Variants in RGS6 observed in about 807,000 individuals in gnomAD.
RGS6 encodes regulator of G-protein signaling 6.
Under a neutral mutation model 78.5 loss-of-function variants are expected in RGS6, and 30 were observed. That is an observed-to-expected ratio of 0.38 (90% confidence interval 0.29 to 0.52). The LOEUF is 0.52. Among genes scored for constraint, RGS6 ranks in the 20% least tolerant of loss-of-function variants. RGS6 has a pLI of 0.85. For missense variants in RGS6, 495 were observed against 609.7 expected (o/e 0.81, Z 1.98); for synonymous variants, 206 against 206.0 (o/e 1.00, Z 0.00).
chr14:71,923,961 C>A, the RGS6 span, among the ~76,000 whole-genome samples: 3 of 152,166 alleles, frequency 2.0e-5, no homozygotes, highest in Non-Finnish European at 4.4e-5. Flanking sequence ...GTTCTGTTGT[C>A]TTGAGATACA....
chr14:72,161,641 A>C (rs541963981), intron 2 of RGS6, among the ~76,000 whole-genome samples: 6 of 152,302 alleles, frequency 3.9e-5, no homozygotes, highest in Admixed American at 3.9e-4. Flanking sequence ...TATTACTGAA[A>C]TATTCTGTTT....
At chr14:72,600,995 G>A in the RGS6 span, among the ~76,000 whole-genome samples, 1 of 148,312 alleles carries the variant, frequency 6.7e-6, no homozygotes, top group Admixed American at 6.7e-5. Context: ...AGGAAGAGGA[G>A]GAGGAGGGGG....
intron 2 of RGS6, among the ~76,000 whole-genome samples, chr14:72,299,556 A>T (rs1242035099): frequency 6.6e-6 from 1 of 152,222 alleles, no homozygotes; most frequent in Non-Finnish European, 1.5e-5. Context: ...GAACTGATGG[A>T]CTGTTTTCCA....
rs147778900 is a variant in RGS6, at chr14:72,518,409, G to A, written c.1150G>A (p.Val384Ile). ...KQPLQDVAKR[V>I]EEIWQEFLAP... is the part of the protein sequence containing the mutation. ...ACCCCTACAGGATGTGGCCAAGAGGGTAGAAGAAATCTGGCAAGAGTTTCT... is the reference window on the plus strand; with the variant it reads ...ACCCCTACAGGATGTGGCCAAGAGGATAGAAGAAATCTGGCAAGAGTTTCT... The change falls in exon 15 of 18, where the codon GTA (valine) becomes ATA (isoleucine). Residue 384 changes from valine (V) to isoleucine (I), a missense_variant. Transcript: ENST00000553525. 4 of 1,614,218 alleles carry A rather than the reference G, an allele frequency of 2.5e-6. No homozygotes were observed. The highest frequency in any genetic ancestry group is 3.4e-6 in the Non-Finnish European group (4 of 1,180,038).
chr14:72,589,089 T>C, the RGS6 span, among the ~76,000 whole-genome samples: 1 of 152,168 alleles, frequency 6.6e-6, no homozygotes, highest in Non-Finnish European at 1.5e-5. Flanking sequence ...TGCTGAACAC[T>C]TGGAAGGATG....
At chr14:72,059,767 T>G (rs1294263911) in intron 2 of RGS6, among the ~76,000 whole-genome samples, 1 of 152,064 alleles carries the variant, frequency 6.6e-6, no homozygotes, top group Non-Finnish European at 1.5e-5. Context: ...TAAGAGGCCA[T>G]GTGAACACAG....
At chr14:72,608,557 G>T in the RGS6 span, among the ~76,000 whole-genome samples, 1 of 152,088 alleles carries the variant, frequency 6.6e-6, no homozygotes, top group Non-Finnish European at 1.5e-5. Context: ...CACCTCTCCT[G>T]TGAGTCATCT....
At chr14:72,021,576 C>A in intron 2 of RGS6, among the ~76,000 whole-genome samples, 1 of 145,350 alleles carries the variant, frequency 6.9e-6, no homozygotes, top group African/African-American at 2.6e-5. Context: ...TCAAGCAATT[C>A]TCCTGCCTCA....
At chr14:72,297,112 T>G (rs79543424) in intron 2 of RGS6, among the ~76,000 whole-genome samples, 2,436 of 152,248 alleles carry the variant, frequency 0.016, 72 homozygotes, top group African/African-American at 0.056. Flanking sequence ...CTTTTGGGCT[T>G]TCAGTTTTAT....
At chr14:72,017,264 T>C (rs1165006886) in intron 2 of RGS6, among the ~76,000 whole-genome samples, 1 of 152,216 alleles carries the variant, frequency 6.6e-6, no homozygotes, top group Non-Finnish European at 1.5e-5. Flanking sequence ...ATTGTATCTT[T>C]TCCTATTATT....
intron 2 of RGS6, among the ~76,000 whole-genome samples, chr14:72,325,340 A>G (rs1263856444): frequency 6.6e-6 from 1 of 152,166 alleles, no homozygotes; most frequent in African/African-American, 2.4e-5. Flanking sequence ...TTTACTGTGC[A>G]GAAGCTCTTT....
At chr14:71,938,524 C>T (rs1283712123) in intron 1 of RGS6, among the ~76,000 whole-genome samples, 2 of 152,168 alleles carry the variant, frequency 1.3e-5, no homozygotes, top group Non-Finnish European at 2.9e-5. Flanking sequence ...TAGTCTTCTC[C>T]TCCTCTGTCA....
At chr14:72,480,356 G>C (rs554796921) in intron 12 of RGS6, among the ~76,000 whole-genome samples, 1 of 152,186 alleles carries the variant, frequency 6.6e-6, no homozygotes, top group Admixed American at 6.5e-5. Context: ...CGGGGAGCCC[G>C]GCCCATCCTA....
chr14:72,281,933 G>A (rs1567655541), intron 2 of RGS6, among the ~76,000 whole-genome samples: 1 of 152,166 alleles, frequency 6.6e-6, no homozygotes, highest in Non-Finnish European at 1.5e-5. Context: ...AAGACACAAA[G>A]TCATCGGAAG....
the RGS6 span, among the ~76,000 whole-genome samples, chr14:71,910,172 AGAGC>A: frequency 1.3e-5 from 2 of 151,532 alleles, no homozygotes; most frequent in African/African-American, 4.9e-5. Context: ...CCTAGGCAAC[AGAGC>A]GAGACTCTGT....
chr14:72,143,131 G>A (rs2096562563), intron 2 of RGS6, among the ~76,000 whole-genome samples: 1 of 152,192 alleles, frequency 6.6e-6, no homozygotes, highest in Non-Finnish European at 1.5e-5. Context: ...GCTTTGGGAG[G>A]CTGATGCGGG....
intron 15 of RGS6, among the ~76,000 whole-genome samples, chr14:72,534,859 C>T (rs1459283605): frequency 3.9e-5 from 6 of 152,286 alleles, no homozygotes; most frequent in Middle Eastern, 3.4e-3. Flanking sequence ...CCCTGACCAG[C>T]TCTCCATCCC....
At chr14:72,223,508 G>C (rs1251965115) in intron 2 of RGS6, among the ~76,000 whole-genome samples, 5 of 152,214 alleles carry the variant, frequency 3.3e-5, no homozygotes, top group African/African-American at 1.2e-4. Flanking sequence ...GTGATAATTT[G>C]TTTATGCTTA....
At chr14:72,279,787 T>A (rs996694609) in intron 2 of RGS6, among the ~76,000 whole-genome samples, 4 of 152,086 alleles carry the variant, frequency 2.6e-5, no homozygotes, top group African/African-American at 9.7e-5. Flanking sequence ...AGGGTGGCAA[T>A]TGAGATAGAT....
Sources: gnomAD v4.1 joint callset for allele counts (sites outside exome capture counted in the v4.1 genomes callset) on GRCh38, gnomAD v4.1.1 for gene constraint, MANE v1.5 for transcripts, NCBI Gene and HGNC (gene_info 2026-07-23, HGNC 2026-07-21) for gene names.